DNAH8: variants seen among roughly 807,000 people sequenced by gnomAD.
DNAH8 encodes dynein axonemal heavy chain 8, also known as axonemal beta dynein heavy chain 8.
In DNAH8, 382 loss-of-function variants were observed where a neutral mutation model predicts 562.1. The observed-to-expected ratio is 0.68, with a 90% CI of 0.63 to 0.74. The LOEUF is 0.74. Ranked by LOEUF, DNAH8 falls within the 30% of genes least tolerant of loss-of-function variation. The pLI, the probability that DNAH8 is intolerant of heterozygous loss-of-function variation, is 0.00. For missense variants in DNAH8, 5,203 were observed against 5,620.4 expected (o/e 0.93, Z 2.37); for synonymous variants, 1,881 against 1,919.4 (o/e 0.98, Z 0.52).
At chr6:38,768,415 A>G (rs1055319223) in intron 11 of DNAH8, among the ~76,000 whole-genome samples, 4 of 151,874 alleles carry the variant, frequency 2.6e-5, no homozygotes, top group African/African-American at 9.7e-5. Flanking sequence ...CCATGGGTGC[A>G]TGCCATCATG....
In DNAH8 at chr6:38,938,145, T is replaced by G. The variant is rs767990512; in HGVS notation, c.11735T>G (p.Ile3912Ser). ...CGCGGAAGCATCCTCTACTTCCTCATCACAGAGATGAGCATGGTCAACATC... is the reference window on the plus strand; with the variant it reads ...CGCGGAAGCATCCTCTACTTCCTCAGCACAGAGATGAGCATGGTCAACATC... ...ATRGSILYFL[I>S]TEMSMVNIMY... is the part of the protein sequence containing the mutation. Residue 3912 changes from isoleucine to serine, a missense_variant, in exon 78 of 93, where the codon ATC becomes AGC. By Grantham distance (142) the Ile-to-Ser change is moderately radical. This residue lies in a region of DNAH8 where 1,399 missense variants were observed against 1,518.4 expected (regional missense o/e 0.92). Transcript: ENST00000327475. 1.2e-6 allele frequency: 2 copies of G among 1,613,968 alleles called. No individual in the cohort carries two copies. The highest frequency in any genetic ancestry group is 2.2e-5 in the South Asian group (2 of 91,086).
Position 38,845,743 on chromosome 6 carries a change from T to C in DNAH8, c.5015T>C (p.Leu1672Ser), listed in dbSNP as rs1182863604. The C allele has an allele frequency of 6.2e-7, 1 of 1,613,816 alleles. No individual in the cohort carries two copies. Among genetic ancestry groups the C allele is most frequent in the Non-Finnish European group, 8.5e-7 (1 of 1,179,738 alleles). ...ATTATCACTTTGATGGAGGATAGTT[T>C]AATGGTCTTAGGGTCTTTACTCAGC... ...GEIITLMEDS[L>S]MVLGSLLSNR... The change falls in exon 36 of 93, where the codon TTA becomes TCA. Residue 1672 changes from leucine (L) to serine (S), a missense_variant. By Grantham distance (145) the Leu-to-Ser change is moderately radical (BLOSUM62 -2). Coordinates refer to ENST00000327475, the MANE Select transcript of DNAH8 (RefSeq NM_001206927.2).
intron 36 of DNAH8, among the ~76,000 whole-genome samples, chr6:38,847,354 G>C (rs1386642355): frequency 6.6e-6 from 1 of 151,506 alleles, no homozygotes; most frequent in Non-Finnish European, 1.5e-5. Flanking sequence ...GGCCTATCTA[G>C]TTGCTTCATC....
intron 5 of DNAH8, among the ~76,000 whole-genome samples, chr6:38,735,641 T>C (rs1222292913): frequency 2.0e-5 from 3 of 152,246 alleles, no homozygotes; most frequent in African/African-American, 7.2e-5. Flanking sequence ...TTCATTTTTA[T>C]AATTTAGCTT....
chr6:38,849,578 T>C (rs755787442), intron 37 of DNAH8, among the ~76,000 whole-genome samples: 26 of 151,976 alleles, frequency 1.7e-4, no homozygotes, highest in Non-Finnish European at 3.5e-4. Flanking sequence ...TTTGCTTTTT[T>C]TTTTTTTGAA....
chr6:38,870,277 C>T, intron 48 of DNAH8, 124 bp from the exon 49 acceptor site: 2 of 823,860 alleles, frequency 2.4e-6, no homozygotes, highest in Non-Finnish European at 3.8e-6. Flanking sequence ...AGAATACAAG[C>T]CTGATTAGGA....
chr6:38,923,087 GA>G lies in DNAH8; in HGVS notation c.10697del (p.Lys3566ArgfsTer12). The G allele has an allele frequency of 6.2e-7, 1 of 1,613,554 alleles. No individual in the cohort carries two copies. Among genetic ancestry groups the G allele is most frequent in the Admixed American group, 1.7e-5 (1 of 59,944 alleles). On this transcript the variant is annotated frameshift_variant, in exon 72 of 93. Transcript: ENST00000327475. LOFTEE classifies it high-confidence loss of function. ...DLLNDADTCR[K>X]KMQAASTLID... ...TGCTTAATGACGCTGATACGTGCCGGAAAAAGATGCAGGCCGCCTCCACTCT... is the reference window on the plus strand; with the variant it reads ...TGCTTAATGACGCTGATACGTGCCGGAAAAGATGCAGGCCGCCTCCACTCT...
intron 88 of DNAH8, among the ~76,000 whole-genome samples, chr6:38,992,220 G>A (rs997195512): frequency 2.6e-5 from 4 of 152,064 alleles, no homozygotes; most frequent in South Asian, 2.1e-4. Context: ...CGCCCACCTC[G>A]GCCTCCCAAA....
At chr6:38,754,859 T>A (rs1012233792) in intron 9 of DNAH8, among the ~76,000 whole-genome samples, 1 of 152,184 alleles carries the variant, frequency 6.6e-6, no homozygotes, top group Non-Finnish European at 1.5e-5. Context: ...CTTTAGTCAG[T>A]TAGGTTTTGT....
At chr6:38,931,308 A>C (rs1782535417) in intron 75 of DNAH8, 1 of 152,116 alleles carries the variant, frequency 6.6e-6, no homozygotes, top group Admixed American at 6.6e-5. Flanking sequence ...TTTTTGAAAA[A>C]AGTTGGCGTT....
At chr6:38,753,544 T>C (rs1051179663) in intron 9 of DNAH8, among the ~76,000 whole-genome samples, 1 of 152,302 alleles carries the variant, frequency 6.6e-6, no homozygotes, top group East Asian at 1.9e-4. Context: ...AATCTAATGA[T>C]GGGAGTAGGT....
intron 53 of DNAH8, 84 bp from the exon 54 acceptor site, chr6:38,882,826 T>C (rs1471582033): frequency 2.2e-6 from 2 of 895,450 alleles, no homozygotes; most frequent in African/African-American, 3.5e-5. Context: ...CTATTGATTG[T>C]TTATTGCACT....
At chr6:38,956,671 C>T (rs762548593) in intron 82 of DNAH8, among the ~76,000 whole-genome samples, 46 of 152,102 alleles carry the variant, frequency 3.0e-4, no homozygotes, top group African/African-American at 9.2e-4. Flanking sequence ...CACATTGTCC[C>T]TAAAAAACAA....
At chr6:38,898,460 A>T in intron 61 of DNAH8, 80 bp downstream of exon 61, 1 of 1,243,096 alleles carries the variant, frequency 8.0e-7, no homozygotes. Flanking sequence ...TTTTTGAGAG[A>T]ATAACTATAT....
chr6:38,957,866 CAAAAA>C (rs1209427701), intron 82 of DNAH8, among the ~76,000 whole-genome samples: 42 of 75,890 alleles, frequency 5.5e-4, no homozygotes, highest in African/African-American at 2.1e-3. Flanking sequence ...ATGCCTACAC[CAAAAA>C]AAAAAAAAAA....
chr6:38,866,616 A>C lies in DNAH8; in HGVS notation c.6524A>C (p.Glu2175Ala), dbSNP rs1199485098. ...AACCCTGGATATGCTGGGCGCCAGG[A>C]ACTACCAGAAAACCTAAAAATCCAG... ...TMNPGYAGRQ[E>A]LPENLKIQFR... Residue 2175 changes from glutamate to alanine, a missense_variant, in exon 46 of 93, where the codon GAA (glutamate) becomes GCA (alanine). Physicochemically the swap from Glu to Ala is moderately radical, Grantham distance 107. This residue lies in a region of DNAH8 where 2,176 missense variants were observed against 2,365.1 expected (regional missense o/e 0.92). Transcript: ENST00000327475. 6.2e-7 allele frequency: 1 copy of C among 1,612,160 alleles called. No individual in the cohort carries two copies. The highest frequency in any genetic ancestry group is 1.3e-5 in the African/African-American group (1 of 74,980).
intron 70 of DNAH8, among the ~76,000 whole-genome samples, chr6:38,921,057 A>T (rs1170750729): frequency 1.3e-5 from 2 of 151,774 alleles, no homozygotes; most frequent in East Asian, 3.9e-4. Flanking sequence ...TACCTAGCTA[A>T]TTTTTCTATT....
chr6:38,733,871 A>G (rs952300119), intron 4 of DNAH8, among the ~76,000 whole-genome samples: 4 of 151,372 alleles, frequency 2.6e-5, no homozygotes, highest in Non-Finnish European at 5.9e-5. Context: ...AGATTGTGCC[A>G]CAGCACTGCA....
chr6:38,873,363 A>G lies in DNAH8; in HGVS notation c.7607A>G (p.Asn2536Ser). ...CCCAAAATGCAGCTCTTGGAGTGCAACTATATTGTGCAAGTAAGATTTTTT... is the reference window on the plus strand; with the variant it reads ...CCCAAAATGCAGCTCTTGGAGTGCAGCTATATTGTGCAAGTAAGATTTTTT... The part of the protein sequence containing the change: ...LNPKMQLLEC[N>S]YIVQSLNLLE... The change falls in exon 52 of 93, where the codon AAC becomes AGC. Residue 2536 changes from asparagine to serine, a missense_variant. By Grantham distance (46) the Asn-to-Ser change is conservative. Around this residue, in one of 6 missense-constraint regions of DNAH8, gnomAD observed 977 missense variants for 1,061.8 expected, o/e 0.92. Transcript: ENST00000327475. 1 of 1,597,002 alleles carries G rather than the reference A, an allele frequency of 6.3e-7. No homozygotes were observed. Among genetic ancestry groups the G allele is most frequent in the Non-Finnish European group, 8.5e-7 (1 of 1,175,960 alleles).
Sources: gnomAD v4.1 joint callset for allele counts (sites outside exome capture counted in the v4.1 genomes callset) on GRCh38, gnomAD v4.1.1 for gene constraint, gnomAD v4.1.1 regional missense constraint, MANE v1.5 for transcripts, NCBI Gene and HGNC (gene_info 2026-07-23, HGNC 2026-07-21) for gene names.